GSG1: variants seen among roughly 807,000 people sequenced by gnomAD.
GSG1 encodes germ cell associated 1.
GSG1 carries 28 observed loss-of-function variants against 30.8 expected under a neutral mutation model. The observed-to-expected ratio is 0.91, with a 90% CI of 0.67 to 1.25. The LOEUF is 1.25. Among genes scored for constraint, GSG1 ranks in the 50% most tolerant of loss-of-function variants. The probability of loss-of-function intolerance (pLI) is 0.00; values close to 1 mark genes in which losing one functional copy is unlikely to be tolerated. For missense variants in GSG1, 435 were observed against 444.7 expected, an observed-to-expected ratio of 0.98 and a Z score of 0.20; for synonymous variants, 162 against 178.0, an observed-to-expected ratio of 0.91 and a Z score of 0.71.
chr12:13,089,253 T>C lies in GSG1; in HGVS notation c.388A>G (p.Lys130Glu), dbSNP rs1015209746. Reference protein sequence around the residue: ...EPALLHPQSWKQFRALRSSGT... With the variant: ...EPALLHPQSWEQFRALRSSGT... Reference sequence around the variant, plus strand: ...CTGGACCGAAGGGCTCTAAATTGTTTCCAGGACTGGGGATGGAGCAGTGCT... The same window carrying C: ...CTGGACCGAAGGGCTCTAAATTGTTCCCAGGACTGGGGATGGAGCAGTGCT... Residue 130 changes from lysine (K) to glutamate (E), a missense_variant, in exon 3 of 7, where the codon AAA becomes GAA. Coordinates refer to ENST00000651961, the MANE Select transcript of GSG1 (RefSeq NM_001080555.4). 19 of 1,557,764 alleles carry C rather than the reference T, an allele frequency of 1.2e-5. No individual in the cohort carries two copies. The highest frequency in any genetic ancestry group is 1.6e-5 in the Non-Finnish European group (18 of 1,150,308).
intron 1 of GSG1, among the ~76,000 whole-genome samples, chr12:13,102,667 T>G (rs183365663): frequency 3.5e-4 from 53 of 152,314 alleles, no homozygotes; most frequent in Admixed American, 1.0e-3. Context: ...CTCCCTGTGT[T>G]GGAGTGTATG....
chr12:13,087,088 G>T, intron 6 of GSG1, 64 bp downstream of exon 6: 1 of 1,093,020 alleles, frequency 9.1e-7, no homozygotes, highest in Admixed American at 1.7e-5. Context: ...GCATCTAGCT[G>T]AGGGCAGAAA....
At chr12:13,090,852 A>G (rs1236325484) in intron 1 of GSG1, 34 bp from the exon 2 acceptor site, 1 of 1,563,456 alleles carries the variant, frequency 6.4e-7, no homozygotes, top group African/African-American at 1.4e-5. Flanking sequence ...AAGGGAAGGG[A>G]GCAGGGGAGC....
At chr12:13,086,253 G>A (rs1865508882) in intron 6 of GSG1, among the ~76,000 whole-genome samples, 1 of 152,208 alleles carries the variant, frequency 6.6e-6, no homozygotes, top group Non-Finnish European at 1.5e-5. Context: ...ACAGACAAAA[G>A]GTGAGAAGTG....
chr12:13,095,866 G>C (rs905258877), intron 1 of GSG1: 5 of 1,253,298 alleles, frequency 4.0e-6, no homozygotes, highest in Non-Finnish European at 5.3e-6. Context: ...TGCCAATGGG[G>C]ATCTGGGATT....
chr12:13,098,822 C>T (rs1391507852), intron 1 of GSG1, among the ~76,000 whole-genome samples: 1 of 152,066 alleles, frequency 6.6e-6, no homozygotes, highest in Non-Finnish European at 1.5e-5. Context: ...TCGCCTTCTC[C>T]AGGGAAATGG....
intron 2 of GSG1, among the ~76,000 whole-genome samples, chr12:13,089,962 T>C (rs1865922185): frequency 6.6e-6 from 1 of 152,120 alleles, no homozygotes; most frequent in Admixed American, 6.5e-5. Context: ...GGCAATAGAA[T>C]CGCTTGAACC....
At chr12:13,088,109 C>A in intron 4 of GSG1, 50 bp from the exon 5 acceptor site, 1 of 1,607,510 alleles carries the variant, frequency 6.2e-7, no homozygotes, top group Non-Finnish European at 8.5e-7. Context: ...AGTTAAAAAA[C>A]TGAATAAGCG....
Position 13,084,918 on chromosome 12 carries a change from C to T in GSG1, c.1072G>A (p.Glu358Lys), listed in dbSNP as rs146166808. 8.7e-5 allele frequency: 135 copies of T among 1,550,360 alleles called. No homozygotes were observed. The East Asian group carries it at 2.9e-3, about 33-fold the overall frequency. ...CTTAACTCCTAACACTGCTCTTCCT[C>T]TACAGATGACCTAACTGCTTCTTTC... ...ELKEAVRSSV[E>K]EEQC Residue 358 changes from glutamate to lysine, a missense_variant, in exon 7 of 7, where the codon GAG (glutamate) becomes AAG (lysine). Coordinates refer to ENST00000651961, the MANE Select transcript of GSG1 (RefSeq NM_001080555.4).
At position 13,085,249 on chromosome 12, in the gene GSG1, G is replaced by A. The variant is rs775931360; in HGVS notation, c.747-6C>T. 3 of 1,587,858 alleles carry A rather than the reference G, an allele frequency of 1.9e-6. No individual in the cohort carries two copies. In the East Asian group the frequency reaches 6.7e-5, roughly 36 times the overall value. Reference sequence around the variant, plus strand: ...TGAAGGAGAGCCAGGCCATGCTAGGGACAAATGCACAAAAAGATTGGACAG... The same window carrying A: ...TGAAGGAGAGCCAGGCCATGCTAGGAACAAATGCACAAAAAGATTGGACAG... On this transcript the variant is annotated splice_region_variant and splice_polypyrimidine_tract_variant and intron_variant, in intron 6 of 6. Transcript: ENST00000651961.
chr12:13,088,974 C>T (rs1240180384), intron 3 of GSG1, 65 bp from the exon 4 acceptor site: 4 of 1,583,128 alleles, frequency 2.5e-6, no homozygotes, highest in Non-Finnish European at 2.6e-6. Flanking sequence ...AAAACCTTCC[C>T]CACCCCATAA....
At chr12:13,098,232 C>T (rs1476960006) in intron 1 of GSG1, among the ~76,000 whole-genome samples, 1 of 151,596 alleles carries the variant, frequency 6.6e-6, no homozygotes, top group African/African-American at 2.4e-5. Context: ...TCGTCGTTTC[C>T]GCTTCCGTCA....
intron 4 of GSG1, 157 bp downstream of exon 4, chr12:13,088,705 G>T: frequency 3.8e-6 from 6 of 1,592,576 alleles, no homozygotes; most frequent in Non-Finnish European, 5.1e-6. Flanking sequence ...CAAGTCAATG[G>T]TAACTACTGT....
rs1480919461 is a variant in GSG1, at chr12:13,087,358, G to A, written c.635-95C>T. On this transcript the variant is annotated intron_variant, in intron 5 of 6. Transcript: ENST00000651961. ...TGGATCACCCTTCTTGCAGTCAGGC[G>A]CAGCCTCTGTTGGAGTAGCCCATTA... 52 of 884,580 alleles carry A rather than the reference G, an allele frequency of 5.9e-5. 1 individual carries two copies. The highest frequency in any genetic ancestry group is 3.9e-4 in the South Asian group (28 of 71,146). 54.8% of individuals were successfully genotyped at this position (884,580 alleles called of 1,614,324 possible).
intron 1 of GSG1, among the ~76,000 whole-genome samples, chr12:13,100,082 CTA>C (rs1863086662): frequency 6.6e-6 from 1 of 152,150 alleles, no homozygotes; most frequent in Non-Finnish European, 1.5e-5. Flanking sequence ...ATAGTAGCAG[CTA>C]TGTTTTATTC....
Position 13,101,993 on chromosome 12 carries a change from G to C in GSG1, c.48+1472C>G, listed in dbSNP as rs1457327139. 6.6e-6 allele frequency among the ~76,000 whole-genome samples: 1 copy of C among 152,190 alleles called. No homozygotes were observed. Among genetic ancestry groups the C allele is most frequent in the Non-Finnish European group, 1.5e-5 (1 of 68,026 alleles). Reference sequence around the variant, plus strand: ...CTGTGAAAATCGAAAACAGGTAGAAGAAGAGTGCCTCTAAGCAGAAACGAA... The same window carrying C: ...CTGTGAAAATCGAAAACAGGTAGAACAAGAGTGCCTCTAAGCAGAAACGAA... On this transcript the variant is annotated intron_variant, in intron 1 of 6. Transcript: ENST00000651961. The surrounding 1 kb of genome is among the most constrained non-coding windows in gnomAD (Gnocchi z 5.8).
intron 1 of GSG1, among the ~76,000 whole-genome samples, chr12:13,100,759 C>A (rs1216247168): frequency 2.0e-5 from 3 of 152,164 alleles, no homozygotes; most frequent in Non-Finnish European, 4.4e-5. Flanking sequence ...CACCAAAATG[C>A]CCGTGCTTAG....
In GSG1 at chr12:13,101,740, G is replaced by A. The variant is rs1295626776; in HGVS notation, c.48+1725C>T. On this transcript the variant is annotated intron_variant, in intron 1 of 6. Coordinates refer to ENST00000651961, the MANE Select transcript of GSG1 (RefSeq NM_001080555.4). The surrounding 1 kb of genome is among the most constrained non-coding windows in gnomAD (Gnocchi z 5.8). ...GTCAGGCATTTCCCTGCCTCTGCCC[G>A]GTAAAGCTATGGGTCCCAGGCTCCC... Among the ~76,000 whole-genome samples, 1 of 152,228 alleles carries A rather than the reference G, an allele frequency of 6.6e-6. No homozygotes were observed. The highest frequency in any genetic ancestry group is 1.5e-5 in the Non-Finnish European group (1 of 68,042).
rs914307948 is a variant in GSG1 at position 13,101,257 on chromosome 12, C to A, written c.48+2208G>T. The stretch of plus-strand genomic sequence containing the variant: ...ATCTCCACTTCCGAGCGCGCCCTCC[C>A]ACCCTGATGAGTAACGCGCCGTCTC... On this transcript the variant is annotated intron_variant, in intron 1 of 6. Coordinates refer to ENST00000651961, the MANE Select transcript of GSG1 (RefSeq NM_001080555.4). This position sits in a 1 kb window ranked among gnomAD's most constrained non-coding sequence, Gnocchi z 5.8. Among the ~76,000 whole-genome samples the A allele has an allele frequency of 1.3e-5, 2 of 152,150 alleles. No individual in the cohort carries two copies. Among genetic ancestry groups the A allele is most frequent in the African/African-American group, 4.8e-5 (2 of 41,452 alleles).
Sources: allele counts gnomAD v4.1 joint callset (sites outside exome capture counted in the v4.1 genomes callset), GRCh38; gene constraint gnomAD v4.1.1; non-coding constraint Gnocchi (gnomAD v3.1); transcripts MANE v1.5; gene names NCBI Gene and HGNC (gene_info 2026-07-23, HGNC 2026-07-21).